Variants in MMP16 observed in about 807,000 individuals in gnomAD.
The protein encoded by MMP16 is matrix metalloproteinase-16.
In MMP16, 12 loss-of-function variants were observed where a neutral mutation model predicts 67.8. The observed-to-expected ratio is 0.18, with a 90% CI of 0.11 to 0.29. The LOEUF (loss-of-function observed/expected upper bound fraction) is 0.29, where lower values mean the gene tolerates loss of function less well. Among genes scored for constraint, MMP16 ranks in the 10% least tolerant of loss-of-function variants. The pLI is 1.00. For synonymous variants in MMP16, 249 were observed against 255.9 expected, an observed-to-expected ratio of 0.97 and a Z score of 0.26; for missense variants, 475 against 765.7, an observed-to-expected ratio of 0.62 and a Z score of 4.48.
intron 1 of MMP16, among the ~76,000 whole-genome samples, chr8:88,231,350 G>A (rs967455050): frequency 6.6e-6 from 1 of 152,112 alleles, no homozygotes; most frequent in Non-Finnish European, 1.5e-5. Flanking sequence ...AGTGTGTGCT[G>A]CAATTCATTT....
chr8:88,169,287 AT>A (rs1014895380), intron 3 of MMP16, among the ~76,000 whole-genome samples: 8 of 152,202 alleles, frequency 5.3e-5, no homozygotes, highest in African/African-American at 1.9e-4. Context: ...TGTCAATACA[AT>A]TATAAACATT....
intron 1 of MMP16, among the ~76,000 whole-genome samples, chr8:88,198,686 C>T (rs1162337942): frequency 6.6e-6 from 1 of 151,870 alleles, no homozygotes; most frequent in Non-Finnish European, 1.5e-5. Context: ...AAGAACAGTA[C>T]CATAAGCACA....
At chr8:88,147,385 T>C (rs993498020) in intron 4 of MMP16, among the ~76,000 whole-genome samples, 2 of 152,114 alleles carry the variant, frequency 1.3e-5, no homozygotes, top group African/African-American at 2.4e-5. Flanking sequence ...CTTTTCTTTT[T>C]AGTTACACAG....
intron 1 of MMP16, among the ~76,000 whole-genome samples, chr8:88,261,341 T>G (rs1810385364): frequency 6.6e-6 from 1 of 152,064 alleles, no homozygotes; most frequent in Non-Finnish European, 1.5e-5. Context: ...ATCACATGGA[T>G]AGTTGTATTA....
intron 1 of MMP16, among the ~76,000 whole-genome samples, chr8:88,259,166 T>C (rs745764675): frequency 3.9e-4 from 60 of 152,156 alleles, no homozygotes; most frequent in Non-Finnish European, 4.7e-4. Context: ...GTAAGATTTT[T>C]GGAGAGCAAT....
At chr8:88,140,623 C>G (rs2118500488) in intron 4 of MMP16, among the ~76,000 whole-genome samples, 1 of 152,148 alleles carries the variant, frequency 6.6e-6, no homozygotes, top group South Asian at 2.1e-4. Flanking sequence ...TGAATAACAT[C>G]CTACTGAATG....
At chr8:88,184,774 A>AAAAAG (rs1809045890) in intron 3 of MMP16, among the ~76,000 whole-genome samples, 5 of 126,536 alleles carry the variant, frequency 4.0e-5, no homozygotes, top group Non-Finnish European at 3.5e-5. Flanking sequence ...AAAAAAAAAA[A>AAAAAG]AAAAGAAAAG....
rs535020423 is a variant in MMP16 at position 88,219,538 on chromosome 8, G to C, written c.133-22232C>G. ...GAATGCATGCTTTATTCTTCTATAA[G>C]AATTTTATTTGAAAGGTAGCCTGTT... On this transcript the variant is annotated intron_variant, in intron 1 of 9. Transcript: ENST00000286614. 2.0e-4 allele frequency among the ~76,000 whole-genome samples: 31 copies of C among 152,110 alleles called. 2 individuals carry two copies. The South Asian group carries it at 6.0e-3, about 29-fold the overall frequency.
intron 4 of MMP16, among the ~76,000 whole-genome samples, chr8:88,125,940 A>T (rs986914195): frequency 2.0e-5 from 3 of 151,646 alleles, no homozygotes; most frequent in African/African-American, 7.3e-5. Context: ...TGACTGCTTT[A>T]AAAAAAAGTA....
At chr8:88,171,427 C>T (rs952838211) in intron 3 of MMP16, among the ~76,000 whole-genome samples, 1 of 152,042 alleles carries the variant, frequency 6.6e-6, no homozygotes, top group African/African-American at 2.4e-5. Flanking sequence ...CCCAGTTTCA[C>T]ATATGAAGGG....
intron 4 of MMP16, among the ~76,000 whole-genome samples, chr8:88,149,289 C>T (rs1027810707): frequency 3.3e-5 from 5 of 152,200 alleles, no homozygotes. Context: ...GGGTGAGGGG[C>T]GCCCGCCATT....
At chr8:88,274,433 T>C (rs1201649883) in intron 1 of MMP16, among the ~76,000 whole-genome samples, 1 of 152,098 alleles carries the variant, frequency 6.6e-6, no homozygotes, top group Non-Finnish European at 1.5e-5. Context: ...TTACCTTTAA[T>C]ACGTAAGTCC....
intron 4 of MMP16, among the ~76,000 whole-genome samples, chr8:88,131,394 G>T (rs1275836445): frequency 1.3e-5 from 2 of 151,258 alleles, no homozygotes; most frequent in East Asian, 3.9e-4. Context: ...ATACCAAAAA[G>T]GACTATCATT....
chr8:88,305,907 G>A (rs146372098), intron 1 of MMP16, among the ~76,000 whole-genome samples: 1 of 151,494 alleles, frequency 6.6e-6, no homozygotes, highest in East Asian at 1.9e-4. Context: ...AAAACCCAAA[G>A]CTAACAGAAG....
In MMP16 at chr8:88,237,080, T is replaced by A. The variant is rs139850746; in HGVS notation, c.133-39774A>T. Among the ~76,000 whole-genome samples the A allele has an allele frequency of 2.6e-4, 39 of 152,298 alleles. 2 individuals carry two copies. The East Asian group carries it at 7.4e-3, about 29-fold the overall frequency. ...AAATCTTTCATAAAGTAATTGTAAA[T>A]GACCATATAAGCACCTGTCTGCTTG... On this transcript the variant is annotated intron_variant, in intron 1 of 9. Coordinates refer to ENST00000286614, the MANE Select transcript of MMP16 (RefSeq NM_005941.5).
chr8:88,093,529 C>G (rs549589665), intron 6 of MMP16, among the ~76,000 whole-genome samples: 1 of 151,940 alleles, frequency 6.6e-6, no homozygotes, highest in East Asian at 1.9e-4. Context: ...ACTGGCCAGC[C>G]ACCTTCCTGG....
intron 8 of MMP16, among the ~76,000 whole-genome samples, chr8:88,051,423 A>G (rs1808269562): frequency 6.6e-6 from 1 of 152,214 alleles, no homozygotes; most frequent in Non-Finnish European, 1.5e-5. Context: ...GAAAGCTATT[A>G]TAAATGAACC....
chr8:88,188,654 ATTT>A (rs1296976552), intron 2 of MMP16, among the ~76,000 whole-genome samples: 5 of 141,296 alleles, frequency 3.5e-5, no homozygotes, highest in Admixed American at 7.2e-5. Context: ...CAAAGAACAG[ATTT>A]TTTTTTTTTT....
At chr8:88,267,364 C>T (rs1810491807) in intron 1 of MMP16, among the ~76,000 whole-genome samples, 1 of 152,210 alleles carries the variant, frequency 6.6e-6, no homozygotes, top group Non-Finnish European at 1.5e-5. Context: ...ATCTCACACA[C>T]TTTCCTTACC....
Sources: gnomAD v4.1 joint callset for allele counts (sites outside exome capture counted in the v4.1 genomes callset) on GRCh38, gnomAD v4.1.1 for gene constraint, MANE v1.5 for transcripts, NCBI Gene and HGNC (gene_info 2026-07-23, HGNC 2026-07-21) for gene names.